PPM1B: variants seen among roughly 807,000 people sequenced by gnomAD.
The protein encoded by PPM1B is protein phosphatase 1B.
In PPM1B, 22 loss-of-function variants were observed where a neutral mutation model predicts 43.0. That is an observed-to-expected ratio of 0.51 (90% CI 0.37 to 0.73). The LOEUF (loss-of-function observed/expected upper bound fraction) is 0.73, where lower values mean the gene tolerates loss of function less well. Among genes scored for constraint, PPM1B ranks in the 30% least tolerant of loss-of-function variants. The pLI is 0.00. For synonymous variants in PPM1B, 217 were observed against 197.9 expected, an observed-to-expected ratio of 1.10 and a Z score of -0.81; for missense variants, 632 against 584.2, an observed-to-expected ratio of 1.08 and a Z score of -0.84.
intron 1 of PPM1B, among the ~76,000 whole-genome samples, chr2:44,197,465 TAAAA>T (rs1002638109): frequency 6.6e-6 from 1 of 152,002 alleles, no homozygotes. Context: ...TATCAAAAAC[TAAAA>T]AAAACTAACA....
At chr2:44,228,097 T>C (rs1353455384) in intron 5 of PPM1B, among the ~76,000 whole-genome samples, 1 of 151,380 alleles carries the variant, frequency 6.6e-6, no homozygotes, top group Non-Finnish European at 1.5e-5. Context: ...TAATTTTTTG[T>C]ATTTTTAGTA....
At chr2:44,236,402 C>CAAAAAAAAAAAAAA (rs61414038), downstream of PPM1B, among the ~76,000 whole-genome samples, 583 of 47,488 alleles carry the variant, frequency 0.012, 112 homozygotes, top group East Asian at 0.039. Context: ...GACTCCGTCT[C>CAAAAAAAAAAAAAA]AAAAAAAAAA....
downstream of PPM1B, among the ~76,000 whole-genome samples, chr2:44,239,515 A>G (rs1670700847): frequency 6.6e-6 from 1 of 152,018 alleles, no homozygotes; most frequent in African/African-American, 2.4e-5. Context: ...AATCATCCTC[A>G]TCCCAAGTTC....
At chr2:44,183,338 T>C (rs539167898) in intron 1 of PPM1B, among the ~76,000 whole-genome samples, 1 of 152,374 alleles carries the variant, frequency 6.6e-6, no homozygotes, top group African/African-American at 2.4e-5. Context: ...ACCATTTAGA[T>C]GAGGAATATC....
intron 1 of PPM1B, among the ~76,000 whole-genome samples, chr2:44,187,702 A>G (rs1313270897): frequency 1.3e-5 from 2 of 151,758 alleles, no homozygotes; most frequent in Non-Finnish European, 2.9e-5. Context: ...CAATTTCTGG[A>G]ATATTTGGTC....
intron 3 of PPM1B, among the ~76,000 whole-genome samples, chr2:44,217,583 A>G (rs953522442): frequency 1.3e-5 from 2 of 152,086 alleles, no homozygotes; most frequent in Non-Finnish European, 2.9e-5. Context: ...GTATTTTTCC[A>G]TATAGCTGTT....
rs1422672576 is a variant in PPM1B, at chr2:44,230,850, T to A, written c.*132T>A. Reference sequence around the variant, plus strand: ...TTTTATTATATTCAGATAGCCTTGTTTTTTAAAAAGGCCTTTGCATACACC... The same window carrying A: ...TTTTATTATATTCAGATAGCCTTGTATTTTAAAAAGGCCTTTGCATACACC... On this transcript the variant is annotated 3_prime_UTR_variant, in exon 6 of 6. Coordinates refer to ENST00000282412, the MANE Select transcript of PPM1B (RefSeq NM_002706.6). 7.0e-7 allele frequency: 1 copy of A among 1,434,254 alleles called. No individual in the cohort carries two copies. The allele number at this position is 1,434,254 out of a possible 1,614,324, so 88.8% of individuals were successfully genotyped here.
intron 1 of PPM1B, among the ~76,000 whole-genome samples, chr2:44,197,105 A>C (rs1305815105): frequency 6.6e-6 from 1 of 152,058 alleles, no homozygotes; most frequent in Non-Finnish European, 1.5e-5. Context: ...CCCCCTACCC[A>C]GTTTCCACTA....
intron 5 of PPM1B, among the ~76,000 whole-genome samples, chr2:44,219,546 A>T (rs893667241): frequency 1.3e-5 from 2 of 152,182 alleles, no homozygotes; most frequent in African/African-American, 2.4e-5. Flanking sequence ...AATTTTAGTG[A>T]GTCATATAAA....
At chr2:44,210,230 T>G (rs1669395365) in intron 3 of PPM1B, among the ~76,000 whole-genome samples, 1 of 151,670 alleles carries the variant, frequency 6.6e-6, no homozygotes, top group African/African-American at 2.4e-5. Context: ...TTTTTTTTTT[T>G]TTTTGAGATA....
At chr2:44,213,903 G>A (rs1008396180) in intron 3 of PPM1B, 1 of 152,146 alleles carries the variant, frequency 6.6e-6, no homozygotes, top group East Asian at 1.9e-4. Context: ...TTTATCAGAA[G>A]GTGGGAGGAA....
intron 2 of PPM1B, among the ~76,000 whole-genome samples, chr2:44,202,337 G>A (rs969716771): frequency 2.0e-5 from 3 of 152,012 alleles, no homozygotes; most frequent in Non-Finnish European, 4.4e-5. Context: ...CTTGACATTG[G>A]CAGTAACCAT....
At chr2:44,206,961 C>G (rs909829806) in intron 2 of PPM1B, among the ~76,000 whole-genome samples, 1 of 152,052 alleles carries the variant, frequency 6.6e-6, no homozygotes, top group Admixed American at 6.6e-5. Context: ...TTCATATAAC[C>G]AAACACATAC....
At chr2:44,193,503 C>T (rs1428086466) in intron 1 of PPM1B, among the ~76,000 whole-genome samples, 4 of 152,074 alleles carry the variant, frequency 2.6e-5, no homozygotes, top group South Asian at 2.1e-4. Flanking sequence ...AGGCAGTCCT[C>T]CCGCTGTAGC....
At chr2:44,203,836 TTAG>T (rs1435339305) in intron 2 of PPM1B, among the ~76,000 whole-genome samples, 4 of 152,198 alleles carry the variant, frequency 2.6e-5, no homozygotes, top group Non-Finnish European at 5.9e-5. Flanking sequence ...GAAGTTTGTG[TTAG>T]TAGATTAACT....
chr2:44,213,065 G>A (rs1572733125), intron 3 of PPM1B, among the ~76,000 whole-genome samples: 1 of 144,044 alleles, frequency 6.9e-6, no homozygotes, highest in African/African-American at 2.5e-5. Context: ...AAATTTAGTG[G>A]TTACCCTGAG....
chr2:44,246,160 C>CCAGAACTGAACATTTATGGGTAG (rs1284089542), downstream of PPM1B, among the ~76,000 whole-genome samples: 1 of 152,106 alleles, frequency 6.6e-6, no homozygotes, highest in Non-Finnish European at 1.5e-5. Flanking sequence ...AGTATGCAAC[C>CCAGAACTGAACATTTATGGGTAG]CAGAACTGAA....
chr2:44,191,965 C>G (rs1292038288), intron 1 of PPM1B, among the ~76,000 whole-genome samples: 1 of 151,884 alleles, frequency 6.6e-6, no homozygotes, highest in African/African-American at 2.4e-5. Context: ...AGTTCTCTTT[C>G]CTTTTCTTGT....
chr2:44,218,978 A>G lies in PPM1B; in HGVS notation c.1134+441A>G, dbSNP rs184810206. 1.3e-3 allele frequency: 545 copies of G among 406,258 alleles called. 1 individual carries two copies. Among genetic ancestry groups the G allele is most frequent in the South Asian group, 1.9e-3 (106 of 56,184 alleles). The allele number at this position is 406,258 out of a possible 1,614,324, so 25.2% of individuals were successfully genotyped here. ...GTACCCCTGTATGCCCACTTGGAAT[A>G]CCCGAGGATAGTTTTTTTCTAATAT... On this transcript the variant is annotated intron_variant, in intron 5 of 5. Coordinates refer to ENST00000282412, the MANE Select transcript of PPM1B (RefSeq NM_002706.6).
Sources: allele counts gnomAD v4.1 joint callset (sites outside exome capture counted in the v4.1 genomes callset), GRCh38; gene constraint gnomAD v4.1.1; transcripts MANE v1.5; gene names NCBI Gene and HGNC (gene_info 2026-07-23, HGNC 2026-07-21).